Variants in ZNF680 observed in about 807,000 individuals in gnomAD.
The protein encoded by ZNF680 is hypothetical protein FLJ90430.
Under a neutral mutation model 12.1 loss-of-function variants are expected in ZNF680, and 6 were observed. The ratio of observed to expected loss-of-function variants is 0.49; its 90% confidence interval spans 0.27 to 0.98. The LOEUF (loss-of-function observed/expected upper bound fraction) is 0.98. Ranked by LOEUF, ZNF680 falls within the 50% of genes least tolerant of loss-of-function variation. The probability of loss-of-function intolerance (pLI) is 0.12; values close to 1 mark genes in which losing one functional copy is unlikely to be tolerated. For synonymous variants in ZNF680, 170 were observed against 199.3 expected (o/e 0.85, Z 1.24); for missense variants, 561 against 616.3 (o/e 0.91, Z 0.95).
intron 1 of ZNF680, among the ~76,000 whole-genome samples, chr7:64,558,727 G>GAAACACCAACTATAAATCTTTA (rs1430372825): frequency 6.6e-6 from 1 of 150,858 alleles, no homozygotes; most frequent in African/African-American, 2.4e-5. Flanking sequence ...TCCAAAGGAG[G>GAAACACCAACTATAAATCTTTA]AAGCACCAAC....
At chr7:64,518,893 GAAGAT>G (rs1283108604), downstream of ZNF680, among the ~76,000 whole-genome samples, 3 of 151,970 alleles carry the variant, frequency 2.0e-5, no homozygotes, top group Admixed American at 6.6e-5. Flanking sequence ...AAAAATTCTA[GAAGAT>G]AACATTGGAA....
At chr7:64,499,607 A>T in the ZNF680 span, among the ~76,000 whole-genome samples, 1 of 152,128 alleles carries the variant, frequency 6.6e-6, no homozygotes, top group Non-Finnish European at 1.5e-5. Context: ...AACACAAAAA[A>T]TTAACCGGGT....
intron 3 of ZNF680, chr7:64,526,179 A>T: frequency 1.1e-6 from 1 of 940,878 alleles, no homozygotes; most frequent in Non-Finnish European, 1.3e-6. Context: ...TCATTAAAAA[A>T]CTCTTAGAAG....
At chr7:64,554,357 C>T (rs1201210867) in intron 1 of ZNF680, among the ~76,000 whole-genome samples, 2 of 151,942 alleles carry the variant, frequency 1.3e-5, no homozygotes, top group Admixed American at 6.6e-5. Flanking sequence ...GGCAGCCGCC[C>T]CGTCCGGGAG....
chr7:64,515,067 CACACA>C (rs1318026129), downstream of ZNF680, among the ~76,000 whole-genome samples: 4 of 128,350 alleles, frequency 3.1e-5, no homozygotes, highest in Non-Finnish European at 5.1e-5. Context: ...CACACACACA[CACACA>C]CAGACACACC....
intron 1 of ZNF680, among the ~76,000 whole-genome samples, chr7:64,554,622 A>C (rs1787303347): frequency 6.6e-6 from 1 of 151,700 alleles, no homozygotes; most frequent in African/African-American, 2.4e-5. Flanking sequence ...GACATGGGAG[A>C]CTCCATTTTG....
intron 2 of ZNF680, 69 bp from the exon 3 acceptor site, chr7:64,543,871 C>A: frequency 7.6e-7 from 1 of 1,313,528 alleles, no homozygotes; most frequent in South Asian, 1.2e-5. Flanking sequence ...CTAATGTGCT[C>A]AGTAAAGAGA....
chr7:64,522,834 T>C (rs573155493), intron 3 of ZNF680, among the ~76,000 whole-genome samples: 1 of 152,000 alleles, frequency 6.6e-6, no homozygotes, highest in South Asian at 2.1e-4. Flanking sequence ...CAAGAAAATT[T>C]TGCAGGCAAG....
At chr7:64,539,856 C>T (rs1017339103) in intron 3 of ZNF680, among the ~76,000 whole-genome samples, 4 of 151,900 alleles carry the variant, frequency 2.6e-5, no homozygotes, top group African/African-American at 9.7e-5. Flanking sequence ...ATATGTTGCC[C>T]AAGCTGGTCT....
chr7:64,525,386 T>C (rs1188118134), intron 3 of ZNF680: 1 of 152,122 alleles, frequency 6.6e-6, no homozygotes, highest in African/African-American at 2.4e-5. Context: ...TCACCCAGTA[T>C]TTAAAAAGCA....
At chr7:64,546,397 T>C (rs1252558189) in intron 1 of ZNF680, among the ~76,000 whole-genome samples, 4 of 152,146 alleles carry the variant, frequency 2.6e-5, no homozygotes, top group Admixed American at 6.5e-5. Flanking sequence ...ACTTCTGTCC[T>C]TTATACAAGA....
At chr7:64,511,885 C>A in the ZNF680 span, among the ~76,000 whole-genome samples, 1 of 151,218 alleles carries the variant, frequency 6.6e-6, no homozygotes, top group Non-Finnish European at 1.5e-5. Context: ...ATGGTGAAAC[C>A]CCGTCTCTAC....
chr7:64,530,871 T>TA (rs1468237767), intron 3 of ZNF680, among the ~76,000 whole-genome samples: 4 of 145,468 alleles, frequency 2.7e-5, no homozygotes, highest in South Asian at 2.2e-4. Context: ...AAAAAAAATT[T>TA]AAAAATAATA....
chr7:64,550,636 T>C (rs1787026555), intron 1 of ZNF680, among the ~76,000 whole-genome samples: 1 of 152,160 alleles, frequency 6.6e-6, no homozygotes, highest in African/African-American at 2.4e-5. Flanking sequence ...CAGTTTCAGG[T>C]CTGAAAATAC....
the ZNF680 span, among the ~76,000 whole-genome samples, chr7:64,511,369 A>G: frequency 6.6e-6 from 1 of 152,228 alleles, no homozygotes; most frequent in Non-Finnish European, 1.5e-5. Flanking sequence ...TCAGGTATTT[A>G]ATTTCTATGT....
At chr7:64,562,862 C>T in intron 1 of ZNF680, 63 bp downstream of exon 1, 1 of 1,598,346 alleles carries the variant, frequency 6.3e-7, no homozygotes, top group East Asian at 2.2e-5. Flanking sequence ...CCTGCCACAG[C>T]CACTTCCGAC....
chr7:64,534,873 G>A (rs1346018453), intron 3 of ZNF680, among the ~76,000 whole-genome samples: 2 of 152,096 alleles, frequency 1.3e-5, no homozygotes, highest in Non-Finnish European at 2.9e-5. Context: ...GGATGAGATT[G>A]GAGACTATTA....
chr7:64,507,338 T>C, the ZNF680 span, among the ~76,000 whole-genome samples: 1 of 152,130 alleles, frequency 6.6e-6, no homozygotes, highest in Non-Finnish European at 1.5e-5. Flanking sequence ...AAGTTTCAAA[T>C]AGGGTAAATA....
chr7:64,521,890 A>G lies in ZNF680; in HGVS notation c.864T>C (p.His288=), dbSNP rs1486167548. ...FSILSKHKII[H]TGDKPYKCDE... ...CACATTTGTAAGGTTTGTCTCCAGT[A>G]TGAATTATCTTATGTTTACTAAGGA... Residue 288 remains histidine (H), a synonymous_variant, in exon 4 of 4, where the codon CAT becomes CAC. Coordinates refer to ENST00000309683, the MANE Select transcript of ZNF680 (RefSeq NM_178558.5). The G allele has an allele frequency of 1.9e-6, 3 of 1,613,256 alleles. No individual in the cohort carries two copies. Among genetic ancestry groups the G allele is most frequent in the African/African-American group, 2.7e-5 (2 of 74,882 alleles).
Sources: allele counts gnomAD v4.1 joint callset (sites outside exome capture counted in the v4.1 genomes callset), GRCh38; gene constraint gnomAD v4.1.1; transcripts MANE v1.5; gene names NCBI Gene and HGNC (gene_info 2026-07-23, HGNC 2026-07-21).